The following WDR70 variants were observed in gnomAD, a reference collection of about 807,000 sequenced individuals.
The protein encoded by WDR70 is WD repeat domain 70.
WDR70 carries 53 observed loss-of-function variants against 88.6 expected under a neutral mutation model. The observed-to-expected ratio is 0.60, with a 90% CI of 0.48 to 0.75. The LOEUF is 0.75. Among genes scored for constraint, WDR70 ranks in the 30% least tolerant of loss-of-function variants. WDR70 has a pLI of 0.00. For missense variants in WDR70, 610 were observed against 823.2 expected (o/e 0.74, Z 3.17); for synonymous variants, 280 against 270.0 (o/e 1.04, Z -0.36).
At position 37,483,892 on chromosome 5, in the gene WDR70, A is replaced by G. The variant is rs1739763093; in HGVS notation, c.840+3905A>G. ...CACTTCTCAGACGGGGCAGCTGGGC[A>G]GAGATGCTCCTCACCTCACAGACGG... On this transcript the variant is annotated intron_variant, in intron 8 of 17. Transcript: ENST00000265107. 2.0e-5 allele frequency among the ~76,000 whole-genome samples: 3 copies of G among 150,966 alleles called. No homozygotes were observed. In the South Asian group the frequency reaches 6.3e-4, roughly 32 times the overall value.
chr5:37,382,093 T>G (rs536974620), intron 3 of WDR70, among the ~76,000 whole-genome samples: 3 of 146,606 alleles, frequency 2.0e-5, no homozygotes, highest in African/African-American at 8.0e-5. Context: ...ATGCTACTTA[T>G]CACTGTTGTT....
chr5:37,564,538 G>A (rs918682850), intron 9 of WDR70, among the ~76,000 whole-genome samples: 2 of 125,306 alleles, frequency 1.6e-5, no homozygotes, highest in Non-Finnish European at 3.7e-5. Flanking sequence ...AGAGGGAGAC[G>A]GTGGGGAGAG....
intron 10 of WDR70, among the ~76,000 whole-genome samples, chr5:37,663,815 C>T (rs1278555690): frequency 6.6e-6 from 1 of 152,158 alleles, no homozygotes; most frequent in Non-Finnish European, 1.5e-5. Context: ...CACCTGCGTG[C>T]CTGATTATGT....
intron 5 of WDR70, among the ~76,000 whole-genome samples, chr5:37,427,500 A>G (rs934885327): frequency 6.6e-6 from 1 of 152,198 alleles, no homozygotes; most frequent in Admixed American, 6.5e-5. Context: ...ACATGCATAA[A>G]CACATGCACA....
At chr5:37,488,094 T>C (rs1470611780) in intron 8 of WDR70, among the ~76,000 whole-genome samples, 2 of 151,354 alleles carry the variant, frequency 1.3e-5, no homozygotes, top group Non-Finnish European at 3.0e-5. Flanking sequence ...TTTTTTTTTT[T>C]TCCTTTCAGC....
intron 5 of WDR70, 32 bp downstream of exon 5, chr5:37,396,602 G>A: frequency 1.9e-6 from 3 of 1,562,316 alleles, no homozygotes; most frequent in South Asian, 1.2e-5. Context: ...TAAGAATTCG[G>A]TGGAGTAATA....
At chr5:37,531,296 T>C (rs886262937) in intron 9 of WDR70, among the ~76,000 whole-genome samples, 3 of 152,150 alleles carry the variant, frequency 2.0e-5, no homozygotes, top group African/African-American at 7.2e-5. Context: ...TGTAAATATC[T>C]AAATCCATTT....
At chr5:37,435,767 A>G (rs1456562060) in intron 5 of WDR70, among the ~76,000 whole-genome samples, 2 of 152,160 alleles carry the variant, frequency 1.3e-5, no homozygotes, top group African/African-American at 4.8e-5. Context: ...CTTTATGGAC[A>G]TGATCATTAC....
In WDR70 at chr5:37,701,115, C is replaced by A; in HGVS notation, c.1250C>A (p.Ala417Asp). The change falls in exon 12 of 18, where the codon GCC becomes GAC. Residue 417 changes from alanine (A) to aspartate (D), a missense_variant. This residue lies in a region of WDR70 where 254 missense variants were observed against 300.7 expected (regional missense o/e 0.84). Coordinates refer to ENST00000265107, the MANE Select transcript of WDR70 (RefSeq NM_018034.4). ...CAATTTAATAAACCACTTTTTTCAG[C>A]CTCGGGTCTTCCCACCATGTTCCCA... ...IRQFNKPLFSASGLPTMFPMT... is the reference protein window; with the variant it reads ...IRQFNKPLFSDSGLPTMFPMT... 1 of 1,610,752 alleles carries A rather than the reference C, an allele frequency of 6.2e-7. No individual in the cohort carries two copies. The highest frequency in any genetic ancestry group is 1.1e-5 in the South Asian group (1 of 91,010).
intron 8 of WDR70, among the ~76,000 whole-genome samples, chr5:37,501,258 T>C (rs191740134): frequency 6.6e-6 from 1 of 152,326 alleles, no homozygotes; most frequent in East Asian, 1.9e-4. Context: ...AGCTTTTAAG[T>C]TTAATTAGTT....
intron 9 of WDR70, among the ~76,000 whole-genome samples, chr5:37,599,143 A>AG (rs1743789169): frequency 6.6e-6 from 1 of 152,246 alleles, no homozygotes; most frequent in African/African-American, 2.4e-5. Context: ...GCTTGGCAGA[A>AG]TGAATCTAAC....
At chr5:37,616,349 C>T (rs999453387) in intron 10 of WDR70, among the ~76,000 whole-genome samples, 4 of 152,166 alleles carry the variant, frequency 2.6e-5, no homozygotes, top group African/African-American at 9.7e-5. Context: ...CTCAAGTGAT[C>T]CACCCGCCTC....
chr5:37,608,759 A>G (rs535453350), intron 10 of WDR70, among the ~76,000 whole-genome samples: 9 of 151,986 alleles, frequency 5.9e-5, no homozygotes, highest in Admixed American at 1.3e-4. Flanking sequence ...AGGGCTCACT[A>G]TGTAACCCAG....
At chr5:37,627,074 C>T (rs991078643) in intron 10 of WDR70, among the ~76,000 whole-genome samples, 5 of 151,662 alleles carry the variant, frequency 3.3e-5, no homozygotes, top group African/African-American at 1.2e-4. Flanking sequence ...AACTAACTTT[C>T]TGTTTGATCT....
intron 10 of WDR70, among the ~76,000 whole-genome samples, chr5:37,686,779 C>T (rs1304795852): frequency 6.6e-6 from 1 of 151,108 alleles, no homozygotes; most frequent in African/African-American, 2.4e-5. Flanking sequence ...TTGTGTGATC[C>T]CAGACAGGGC....
chr5:37,479,626 C>T, intron 7 of WDR70: 1 of 459,392 alleles, frequency 2.2e-6, no homozygotes, highest in Admixed American at 3.6e-5. Context: ...CTGCCTTGGC[C>T]TCCCAAAGTA....
intron 9 of WDR70, among the ~76,000 whole-genome samples, chr5:37,573,014 A>C (rs1329439181): frequency 6.6e-6 from 1 of 152,138 alleles, no homozygotes; most frequent in Non-Finnish European, 1.5e-5. Flanking sequence ...TCTTCCTGGA[A>C]TGCTCTTATT....
intron 8 of WDR70, among the ~76,000 whole-genome samples, chr5:37,492,657 G>C (rs1740100681): frequency 6.6e-6 from 1 of 152,160 alleles, no homozygotes; most frequent in Non-Finnish European, 1.5e-5. Flanking sequence ...GATGAAACCA[G>C]AACTTGTGAA....
chr5:37,533,367 G>A (rs77875781), intron 9 of WDR70, among the ~76,000 whole-genome samples: 25,457 of 152,048 alleles, frequency 0.17, 2,244 homozygotes, highest in South Asian at 0.27. Context: ...CGAGATGGGC[G>A]TATCACTTGA....
Sources: gnomAD v4.1 joint callset for allele counts (sites outside exome capture counted in the v4.1 genomes callset) on GRCh38, gnomAD v4.1.1 for gene constraint, gnomAD v4.1.1 regional missense constraint, MANE v1.5 for transcripts, NCBI Gene and HGNC (gene_info 2026-07-23, HGNC 2026-07-21) for gene names.